The following DRC8 variants were observed in gnomAD, a reference collection of about 807,000 sequenced individuals.
DRC8 encodes dynein regulatory complex subunit 8, also known as dynein regulatory complex protein 8.
the DRC8 span, among the ~76,000 whole-genome samples, chr1:244,979,292 C>CTTTTTTTT: frequency 1.8e-4 from 9 of 51,384 alleles, no homozygotes; most frequent in African/African-American, 3.9e-4. Context: ...CGAAGCTTAT[C>CTTTTTTTT]TTTTTTTTTT....
At chr1:245,053,207 A>T in the DRC8 span, among the ~76,000 whole-genome samples, 1 of 152,186 alleles carries the variant, frequency 6.6e-6, no homozygotes, top group Non-Finnish European at 1.5e-5. Context: ...TACAAAGTTG[A>T]TGAGAAAAAA....
At chr1:245,008,004 A>G in the DRC8 span, among the ~76,000 whole-genome samples, 1 of 152,070 alleles carries the variant, frequency 6.6e-6, no homozygotes, top group Non-Finnish European at 1.5e-5. Flanking sequence ...GTCTCTACAA[A>G]TGAAAACAAA....
the DRC8 span, among the ~76,000 whole-genome samples, chr1:245,002,753 A>AT: frequency 4.1e-3 from 588 of 144,720 alleles, 7 homozygotes; most frequent in African/African-American, 0.013. Flanking sequence ...TTTCTGGAAG[A>AT]TTTTTTTTTT....
chr1:245,057,931 T>G, the DRC8 span, among the ~76,000 whole-genome samples: 1 of 152,212 alleles, frequency 6.6e-6, no homozygotes, highest in Admixed American at 6.5e-5. Flanking sequence ...CCAATATCTC[T>G]TTGTCCTCCT....
chr1:245,077,313 AT>A, the DRC8 span, among the ~76,000 whole-genome samples: 1 of 152,110 alleles, frequency 6.6e-6, no homozygotes. Flanking sequence ...AATATACCAT[AT>A]TTGAAAAATG....
At chr1:245,055,233 A>G in the DRC8 span, among the ~76,000 whole-genome samples, 10 of 152,354 alleles carry the variant, frequency 6.6e-5, 1 homozygote, top group South Asian at 1.7e-3. Flanking sequence ...TGGAAATTCA[A>G]CATGTCCCAG....
chr1:245,019,244 C>T, the DRC8 span, among the ~76,000 whole-genome samples: 1 of 152,072 alleles, frequency 6.6e-6, no homozygotes, highest in Non-Finnish European at 1.5e-5. Flanking sequence ...TTGTTTTTAG[C>T]ATTAAAATAT....
chr1:245,119,400 A>C, the DRC8 span, among the ~76,000 whole-genome samples: 1 of 150,822 alleles, frequency 6.6e-6, no homozygotes, highest in Non-Finnish European at 1.5e-5. Context: ...TGAGCCTGGC[A>C]CAGTGGCTCA....
the DRC8 span, among the ~76,000 whole-genome samples, chr1:244,984,506 A>G: frequency 6.6e-6 from 1 of 152,176 alleles, no homozygotes; most frequent in African/African-American, 2.4e-5. Context: ...TCTTCTTATT[A>G]AGAGTAAATG....
the DRC8 span, among the ~76,000 whole-genome samples, chr1:244,975,371 G>C: frequency 6.6e-6 from 1 of 152,166 alleles, no homozygotes; most frequent in South Asian, 2.1e-4. Flanking sequence ...GTTGAGCTTT[G>C]AAGTAAGACT....
At chr1:244,993,959 T>C in the DRC8 span, among the ~76,000 whole-genome samples, 14 of 152,178 alleles carry the variant, frequency 9.2e-5, no homozygotes, top group Middle Eastern at 3.4e-3. Flanking sequence ...TTTTTTGGTA[T>C]ACTTTTTGGT....
chr1:245,048,293 G>A, the DRC8 span, among the ~76,000 whole-genome samples: 2 of 152,150 alleles, frequency 1.3e-5, no homozygotes, highest in Non-Finnish European at 2.9e-5. Context: ...GGGTCTCCAA[G>A]TTTCTGAAGT....
the DRC8 span, among the ~76,000 whole-genome samples, chr1:245,058,423 C>T: frequency 3.4e-4 from 51 of 152,224 alleles, 1 homozygote; most frequent in Admixed American, 2.9e-3. Context: ...CTTTAGGTTT[C>T]ACTTTTAAGT....
chr1:245,057,346 A>C, the DRC8 span, among the ~76,000 whole-genome samples: 1 of 152,268 alleles, frequency 6.6e-6, no homozygotes, highest in Admixed American at 6.5e-5. Context: ...GCACGAGCCT[A>C]ATAATTTAAC....
chr1:244,986,861 G>A, the DRC8 span, among the ~76,000 whole-genome samples: 1 of 152,136 alleles, frequency 6.6e-6, no homozygotes. Context: ...GGCAGAGAAG[G>A]TTTGAGAGTC....
chr1:244,981,900 T>C, the DRC8 span, among the ~76,000 whole-genome samples: 1 of 152,212 alleles, frequency 6.6e-6, no homozygotes, highest in Non-Finnish European at 1.5e-5. Context: ...TCTGGTCTTA[T>C]CTCAACGGAT....
the DRC8 span, among the ~76,000 whole-genome samples, chr1:245,097,932 C>T: frequency 5.3e-5 from 8 of 152,016 alleles, no homozygotes; most frequent in Admixed American, 3.9e-4. The surrounding 1 kb of genome is among the most constrained non-coding windows in gnomAD (Gnocchi z 5.0). Context: ...GGCAGGGCCC[C>T]GAGCATGAAG....
the DRC8 span, among the ~76,000 whole-genome samples, chr1:245,093,071 G>C: frequency 6.6e-6 from 1 of 152,156 alleles, no homozygotes; most frequent in Non-Finnish European, 1.5e-5. Flanking sequence ...GAGAGAAAAA[G>C]AGAGAGGGAG....
At chr1:245,021,534 C>A in the DRC8 span, among the ~76,000 whole-genome samples, 1 of 152,128 alleles carries the variant, frequency 6.6e-6, no homozygotes, top group East Asian at 1.9e-4. Context: ...CTCCTGAGTT[C>A]AAGCAATTCT....
Sources: allele counts gnomAD v4.1 joint callset (sites outside exome capture counted in the v4.1 genomes callset), GRCh38; gene constraint gnomAD v4.1.1; non-coding constraint Gnocchi (gnomAD v3.1); transcripts MANE v1.5; gene names NCBI Gene and HGNC (gene_info 2026-07-23, HGNC 2026-07-21).